Variants in KIAA0825 observed in about 807,000 individuals in gnomAD.
KIAA0825 encodes uncharacterized protein KIAA0825.
Under a neutral mutation model 147.6 loss-of-function variants are expected in KIAA0825, and 119 were observed. The ratio of observed to expected loss-of-function variants is 0.81; its 90% CI spans 0.69 to 0.94. The LOEUF (loss-of-function observed/expected upper bound fraction) is 0.94, where lower values mean the gene tolerates loss of function less well. Among genes scored for constraint, KIAA0825 ranks in the 40% least tolerant of loss-of-function variants. The probability of loss-of-function intolerance (pLI) is 0.00; values close to 1 mark genes in which losing one functional copy is unlikely to be tolerated. For missense variants in KIAA0825, 1,381 were observed against 1,472.7 expected (o/e 0.94, Z 1.02); for synonymous variants, 470 against 518.1 (o/e 0.91, Z 1.26).
At chr5:94,251,441 C>A (rs60613481) in intron 20 of KIAA0825, among the ~76,000 whole-genome samples, 9,698 of 152,096 alleles carry the variant, frequency 0.064, 593 homozygotes, top group African/African-American at 0.15. Context: ...TGCAAGGTAG[C>A]CGCTTATCCC....
At chr5:94,176,844 T>C (rs1769148487) in intron 20 of KIAA0825, among the ~76,000 whole-genome samples, 1 of 152,144 alleles carries the variant, frequency 6.6e-6, no homozygotes, top group Non-Finnish European at 1.5e-5. Context: ...TCATTACTGC[T>C]GAGATATGCT....
rs115543915 is a variant in KIAA0825, at chr5:94,575,350, T to G, written c.-2+7083A>C. Among the ~76,000 whole-genome samples, 989 of 150,048 alleles carry G rather than the reference T, an allele frequency of 6.6e-3. 14 individuals are homozygous for G. Among genetic ancestry groups the G allele is most frequent in the African/African-American group, 0.023 (951 of 40,754 alleles). ...GGTGATGATAAATAGGAAGAGGATG[T>G]GGCCATGACGGAAAAAAAAAAAAAG... On this transcript the variant is annotated intron_variant, in intron 2 of 20. Transcript: ENST00000682413.
chr5:94,381,990 T>C (rs1223207577), intron 20 of KIAA0825, among the ~76,000 whole-genome samples: 1 of 152,220 alleles, frequency 6.6e-6, no homozygotes, highest in African/African-American at 2.4e-5. Flanking sequence ...CAGTTCACTT[T>C]TCTTTGTAAT....
intron 2 of KIAA0825, among the ~76,000 whole-genome samples, chr5:94,547,464 G>A (rs543527667): frequency 2.0e-5 from 3 of 152,052 alleles, no homozygotes; most frequent in Admixed American, 6.6e-5. Context: ...CCTGCTGGGC[G>A]CAGTAGCTCA....
chr5:94,241,017 G>T (rs1775317555), intron 20 of KIAA0825, among the ~76,000 whole-genome samples: 2 of 152,108 alleles, frequency 1.3e-5, no homozygotes, highest in Non-Finnish European at 1.5e-5. Flanking sequence ...ATAGTTTTGT[G>T]CCACTTCATA....
In KIAA0825 at chr5:94,520,768, T is replaced by C; in HGVS notation, c.450A>G (p.Glu150=). The change falls in exon 5 of 21, where the codon GAA becomes GAG. Residue 150 remains glutamate (E), a synonymous_variant. Coordinates refer to ENST00000682413, the MANE Select transcript of KIAA0825 (RefSeq NM_001145678.3). ...ACTTGACATCCATAGAGGAATTATCTTCAACAGAATGAAGAGACGTCCTAG... is the reference window on the plus strand; with the variant it reads ...ACTTGACATCCATAGAGGAATTATCCTCAACAGAATGAAGAGACGTCCTAG... The part of the protein sequence containing the change: ...FLSRTSLHSV[E]DNSSMDVKSM... 6.2e-7 allele frequency: 1 copy of C among 1,613,332 alleles called. No individual in the cohort carries two copies. The highest frequency in any genetic ancestry group is 1.1e-5 in the South Asian group (1 of 91,064).
chr5:94,152,446 G>A lies in KIAA0825; in HGVS notation c.*1561C>T, dbSNP rs1011912257. ...CTTATGCCTATAGTTCCAGGGCTTT[G>A]AGAGACAGAGAGGGGAAGATCACTT... On this transcript the variant is annotated 3_prime_UTR_variant, in exon 21 of 21. Coordinates refer to ENST00000682413, the MANE Select transcript of KIAA0825 (RefSeq NM_001145678.3). Among the ~76,000 whole-genome samples the A allele has an allele frequency of 6.6e-6, 1 of 152,048 alleles. No homozygotes were observed. The highest frequency in any genetic ancestry group is 2.4e-5 in the African/African-American group (1 of 41,388).
intron 20 of KIAA0825, among the ~76,000 whole-genome samples, chr5:94,363,452 C>T (rs895538632): frequency 2.0e-5 from 3 of 152,116 alleles, no homozygotes; most frequent in African/African-American, 7.2e-5. Context: ...AAATAAAGAA[C>T]AGGACTGATG....
intron 1 of KIAA0825, among the ~76,000 whole-genome samples, chr5:94,590,156 G>A (rs1006675557): frequency 1.3e-5 from 2 of 152,008 alleles, no homozygotes; most frequent in African/African-American, 4.8e-5. Context: ...CACCACACCT[G>A]GCTAATTTTT....
intron 5 of KIAA0825, among the ~76,000 whole-genome samples, chr5:94,490,255 A>T (rs1409430095): frequency 6.6e-6 from 1 of 152,238 alleles, no homozygotes; most frequent in East Asian, 1.9e-4. Flanking sequence ...CTGATTAAAA[A>T]AACAAAGTGA....
chr5:94,357,243 C>G (rs77320017), intron 20 of KIAA0825, among the ~76,000 whole-genome samples: 1 of 151,878 alleles, frequency 6.6e-6, no homozygotes, highest in Admixed American at 6.6e-5. Flanking sequence ...AGCTAACACA[C>G]GTTAAAAGTG....
intron 15 of KIAA0825, chr5:94,415,221 A>G (rs1365977608): frequency 2.0e-5 from 3 of 152,236 alleles, no homozygotes; most frequent in Non-Finnish European, 4.4e-5. Flanking sequence ...TGCAGAAATC[A>G]TAGACAGTGA....
intron 20 of KIAA0825, among the ~76,000 whole-genome samples, chr5:94,186,156 A>G (rs757671802): frequency 6.6e-6 from 1 of 152,262 alleles, no homozygotes; most frequent in Non-Finnish European, 1.5e-5. Context: ...GGTGGAATAA[A>G]TTAAGACTAT....
chr5:94,267,667 G>A (rs1444922414), intron 20 of KIAA0825, among the ~76,000 whole-genome samples: 1 of 152,064 alleles, frequency 6.6e-6, no homozygotes, highest in Non-Finnish European at 1.5e-5. Flanking sequence ...AGAAATATTT[G>A]TTTTGTGCCA....
chr5:94,221,770 T>C, intron 20 of KIAA0825, among the ~76,000 whole-genome samples: 1 of 152,194 alleles, frequency 6.6e-6, no homozygotes. Context: ...GTTCCTCCTG[T>C]TATTGGAGGA....
intron 20 of KIAA0825, among the ~76,000 whole-genome samples, chr5:94,160,382 T>C (rs557831296): frequency 6.6e-6 from 1 of 150,696 alleles, no homozygotes; most frequent in South Asian, 2.1e-4. Flanking sequence ...TTCATATATG[T>C]ACATATATGA....
At chr5:94,401,294 C>T (rs1199329419) in intron 16 of KIAA0825, among the ~76,000 whole-genome samples, 1 of 151,560 alleles carries the variant, frequency 6.6e-6, no homozygotes, top group Non-Finnish European at 1.5e-5. Context: ...TATAATATGG[C>T]TGTGAAGAGC....
Position 94,239,739 on chromosome 5 carries a change from T to A in KIAA0825, c.3711-85615A>T, listed in dbSNP as rs563563763. Among the ~76,000 whole-genome samples, 4 of 152,290 alleles carry A rather than the reference T, an allele frequency of 2.6e-5. No homozygotes were observed. The South Asian group carries it at 8.3e-4, about 32-fold the overall frequency. On this transcript the variant is annotated intron_variant, in intron 20 of 20. Transcript: ENST00000682413. ...GCAACTGCTGAATCAACAAAACATA[T>A]GCACCTATGCCTTAAGGAAGGAGTA...
chr5:94,264,864 C>T (rs1776671477), intron 20 of KIAA0825, among the ~76,000 whole-genome samples: 1 of 151,298 alleles, frequency 6.6e-6, no homozygotes, highest in African/African-American at 2.4e-5. Context: ...CTCACTGCAA[C>T]CTCTGCCTCC....
Sources: allele counts gnomAD v4.1 joint callset (sites outside exome capture counted in the v4.1 genomes callset), GRCh38; gene constraint gnomAD v4.1.1; transcripts MANE v1.5; gene names NCBI Gene and HGNC (gene_info 2026-07-23, HGNC 2026-07-21).